The following TENM3 variants were observed in gnomAD, a reference collection of about 807,000 sequenced individuals.
TENM3 encodes the protein teneurin transmembrane protein 3.
TENM3 carries 63 observed loss-of-function variants against 255.1 expected under a neutral mutation model. The observed-to-expected ratio is 0.25, with a 90% CI of 0.20 to 0.30. The LOEUF (loss-of-function observed/expected upper bound fraction) is 0.30, where lower values mean the gene tolerates loss of function less well. Ranked by LOEUF, TENM3 falls within the 10% of genes least tolerant of loss-of-function variation. The pLI is 1.00. For missense variants in TENM3, 2,929 were observed against 3,461.1 expected (o/e 0.85, Z 3.86); for synonymous variants, 1,306 against 1,322.3 (o/e 0.99, Z 0.27).
the TENM3 span, among the ~76,000 whole-genome samples, chr4:181,540,486 A>G: frequency 2.0e-5 from 3 of 152,248 alleles, no homozygotes; most frequent in East Asian, 5.8e-4. Context: ...ACAGGGAGAG[A>G]AAAAGAGCAA....
chr4:182,279,922 A>G (rs1295869216), intron 1 of TENM3, among the ~76,000 whole-genome samples: 1 of 152,144 alleles, frequency 6.6e-6, no homozygotes, highest in East Asian at 1.9e-4. Context: ...TTGTAAAAAT[A>G]TTGCCTTGAA....
intron 3 of TENM3, among the ~76,000 whole-genome samples, chr4:182,558,991 G>A (rs1315130718): frequency 1.3e-5 from 2 of 152,106 alleles, no homozygotes; most frequent in African/African-American, 4.8e-5. Flanking sequence ...GGAATTTAAT[G>A]CAATTCCATT....
chr4:182,130,235 A>C, the TENM3 span, among the ~76,000 whole-genome samples: 1 of 152,330 alleles, frequency 6.6e-6, no homozygotes, highest in African/African-American at 2.4e-5. Flanking sequence ...TTTCTAAATA[A>C]AGGTTTTACT....
chr4:181,629,353 G>A, the TENM3 span, among the ~76,000 whole-genome samples: 1 of 152,056 alleles, frequency 6.6e-6, no homozygotes, highest in African/African-American at 2.4e-5. Context: ...GATTGCCCTG[G>A]CCAGAACTTC....
chr4:182,595,170 T>A (rs774252324), intron 3 of TENM3, among the ~76,000 whole-genome samples: 1 of 152,148 alleles, frequency 6.6e-6, no homozygotes, highest in Non-Finnish European at 1.5e-5. Flanking sequence ...TTCATTGTCA[T>A]GTGTCTCAAT....
chr4:182,681,332 A>G lies in TENM3; in HGVS notation c.1835-482A>G, dbSNP rs999797846. ...ATTAAATTTTCAGGCCATTGACCCT[A>G]CAAGTGTAAAGTTTTATTGAGTCAA... On this transcript the variant is annotated intron_variant, in intron 10 of 27. Coordinates refer to ENST00000511685, the MANE Select transcript of TENM3 (RefSeq NM_001080477.4). Among the ~76,000 whole-genome samples, 9 of 152,362 alleles carry G rather than the reference A, an allele frequency of 5.9e-5. No homozygotes were observed. The East Asian group carries it at 1.2e-3, about 20-fold the overall frequency.
chr4:182,797,297 G>C (rs535770498), intron 27 of TENM3, among the ~76,000 whole-genome samples: 1 of 151,906 alleles, frequency 6.6e-6, no homozygotes, highest in African/African-American at 2.4e-5. Context: ...AAATTAGCCC[G>C]GCATGGTGGG....
chr4:181,582,134 A>G, the TENM3 span, among the ~76,000 whole-genome samples: 9 of 152,260 alleles, frequency 5.9e-5, no homozygotes, highest in South Asian at 1.9e-3. Context: ...TTAATGCCTA[A>G]ATGTATTCAT....
the TENM3 span, among the ~76,000 whole-genome samples, chr4:181,678,708 G>A: frequency 6.6e-6 from 1 of 151,536 alleles, no homozygotes; most frequent in Non-Finnish European, 1.5e-5. Flanking sequence ...TTGTTAGGTT[G>A]TTCTATATAT....
At chr4:181,452,382 G>T in the TENM3 span, among the ~76,000 whole-genome samples, 1 of 151,986 alleles carries the variant, frequency 6.6e-6, no homozygotes, top group African/African-American at 2.4e-5. Context: ...TAATCCCCTC[G>T]TGTTGTGAAA....
At chr4:181,929,494 T>C in the TENM3 span, among the ~76,000 whole-genome samples, 1 of 152,150 alleles carries the variant, frequency 6.6e-6, no homozygotes, top group Non-Finnish European at 1.5e-5. Context: ...ATCCTAAATA[T>C]ATATGCCCCC....
At chr4:182,402,636 G>A (rs978228505) in intron 3 of TENM3, among the ~76,000 whole-genome samples, 2 of 152,022 alleles carry the variant, frequency 1.3e-5, no homozygotes, top group Non-Finnish European at 2.9e-5. Context: ...CAGTTGGTTC[G>A]GTTTTCATTG....
the TENM3 span, among the ~76,000 whole-genome samples, chr4:182,070,237 A>G: frequency 1.3e-5 from 2 of 152,206 alleles, no homozygotes; most frequent in Admixed American, 6.5e-5. Context: ...TGCTTTATGC[A>G]TAGAAAAAGC....
the TENM3 span, among the ~76,000 whole-genome samples, chr4:181,569,461 A>G: frequency 2.6e-5 from 4 of 152,220 alleles, no homozygotes; most frequent in Non-Finnish European, 5.9e-5. Context: ...TAAGGATTGT[A>G]GAATCTCTGT....
At chr4:182,127,178 T>C in the TENM3 span, among the ~76,000 whole-genome samples, 33 of 152,342 alleles carry the variant, frequency 2.2e-4, no homozygotes, top group African/African-American at 7.9e-4. Flanking sequence ...CTTCTACATA[T>C]TTCTTAAGAA....
chr4:181,736,166 C>T, the TENM3 span, among the ~76,000 whole-genome samples: 15 of 152,050 alleles, frequency 9.9e-5, no homozygotes, highest in African/African-American at 3.4e-4. Flanking sequence ...GGCGTGGTGG[C>T]ACGTGCCTGT....
chr4:182,140,858 C>G (rs4862030), upstream of TENM3, among the ~76,000 whole-genome samples: 849 of 152,332 alleles, frequency 5.6e-3, 30 homozygotes, highest in Admixed American at 0.046. Context: ...CAGCGACACT[C>G]GGCTGAGACT....
the TENM3 span, among the ~76,000 whole-genome samples, chr4:181,950,803 G>T: frequency 6.6e-6 from 1 of 152,314 alleles, no homozygotes; most frequent in Non-Finnish European, 1.5e-5. Flanking sequence ...CGCTTTGGCA[G>T]TCTGAGGCAG....
At chr4:181,817,245 G>T in the TENM3 span, among the ~76,000 whole-genome samples, 1 of 152,184 alleles carries the variant, frequency 6.6e-6, no homozygotes, top group African/African-American at 2.4e-5. Context: ...CTCAACCTTA[G>T]CACTATTAAC....
Sources: allele counts gnomAD v4.1 joint callset (sites outside exome capture counted in the v4.1 genomes callset), GRCh38; gene constraint gnomAD v4.1.1; transcripts MANE v1.5; gene names NCBI Gene and HGNC (gene_info 2026-07-23, HGNC 2026-07-21).